Variants in MAGI2 observed in about 807,000 individuals in gnomAD.
MAGI2 encodes the protein membrane-associated guanylate kinase, WW and PDZ domain-containing protein 2.
In MAGI2, 35 loss-of-function variants were observed where a neutral mutation model predicts 133.3. That is an observed-to-expected ratio of 0.26 (90% CI 0.20 to 0.35). MAGI2 has a LOEUF of 0.35. Ranked by LOEUF, MAGI2 falls within the 10% of genes least tolerant of loss-of-function variation. The pLI is 1.00. For missense variants in MAGI2, 1,636 were observed against 1,863.4 expected, an observed-to-expected ratio of 0.88 and a Z score of 2.25; for synonymous variants, 729 against 710.6, an observed-to-expected ratio of 1.03 and a Z score of -0.41.
intron 9 of MAGI2, among the ~76,000 whole-genome samples, chr7:78,315,981 A>C (rs1441008991): frequency 6.6e-6 from 1 of 152,254 alleles, no homozygotes; most frequent in Non-Finnish European, 1.5e-5. Context: ...TCATGATGGA[A>C]GATTTGCCAT....
At chr7:78,599,106 T>C (rs899965425) in intron 3 of MAGI2, among the ~76,000 whole-genome samples, 1 of 152,192 alleles carries the variant, frequency 6.6e-6, no homozygotes, top group Non-Finnish European at 1.5e-5. Context: ...TTCTAGAATG[T>C]GACCTTGTAT....
At chr7:79,036,676 G>A (rs114233377) in intron 1 of MAGI2, among the ~76,000 whole-genome samples, 1,869 of 151,518 alleles carry the variant, frequency 0.012, 37 homozygotes, top group African/African-American at 0.041. Context: ...TTTTTCCCCC[G>A]AGTATCCTCA....
At chr7:79,369,926 AGTAAATTTAGTAT>A (rs1842953540) in intron 1 of MAGI2, among the ~76,000 whole-genome samples, 1 of 152,116 alleles carries the variant, frequency 6.6e-6, no homozygotes, top group South Asian at 2.1e-4. Flanking sequence ...CAAATTCTAT[AGTAAATTTAGTAT>A]GTCATACCTA....
intron 6 of MAGI2, among the ~76,000 whole-genome samples, chr7:78,453,607 C>T (rs1330192079): frequency 6.6e-6 from 1 of 152,136 alleles, no homozygotes; most frequent in Non-Finnish European, 1.5e-5. Context: ...ACATGCTTCC[C>T]AGCCATACCT....
chr7:79,253,370 C>G (rs760984373), intron 1 of MAGI2, among the ~76,000 whole-genome samples: 1 of 152,086 alleles, frequency 6.6e-6, no homozygotes, highest in Non-Finnish European at 1.5e-5. Flanking sequence ...TGGCCAGGCA[C>G]GGTGGCTCAT....
intron 2 of MAGI2, among the ~76,000 whole-genome samples, chr7:78,934,216 C>T (rs1800347989): frequency 6.6e-6 from 1 of 152,128 alleles, no homozygotes; most frequent in African/African-American, 2.4e-5. Flanking sequence ...ATTCTCCTGC[C>T]TCAGCCTCCT....
chr7:78,279,096 G>A (rs1406142136), intron 9 of MAGI2, among the ~76,000 whole-genome samples: 1 of 152,086 alleles, frequency 6.6e-6, no homozygotes, highest in Non-Finnish European at 1.5e-5. Context: ...CACACTACCT[G>A]GTTTTACTAG....
chr7:78,568,508 G>A (rs1336708503), intron 3 of MAGI2: 1 of 152,092 alleles, frequency 6.6e-6, no homozygotes, highest in Non-Finnish European at 1.5e-5. Flanking sequence ...CCCAAATCTT[G>A]GAGTCATCTT....
chr7:79,375,275 A>G (rs181790350), intron 1 of MAGI2, among the ~76,000 whole-genome samples: 19 of 152,080 alleles, frequency 1.2e-4, no homozygotes, highest in African/African-American at 4.3e-4. Flanking sequence ...AGATTTTGGC[A>G]TTAGGTCTCT....
At chr7:78,787,266 A>G (rs562459076) in intron 2 of MAGI2, among the ~76,000 whole-genome samples, 2 of 152,310 alleles carry the variant, frequency 1.3e-5, no homozygotes, top group East Asian at 1.9e-4. Flanking sequence ...TCTAACTACA[A>G]GATGGAAAGG....
intron 1 of MAGI2, among the ~76,000 whole-genome samples, chr7:79,333,171 T>C (rs1311203369): frequency 6.6e-6 from 1 of 152,148 alleles, no homozygotes; most frequent in East Asian, 1.9e-4. Flanking sequence ...TAGCCCAGGC[T>C]GGAATGCAGT....
chr7:78,120,727 C>T (rs932158650), intron 20 of MAGI2, among the ~76,000 whole-genome samples: 13 of 151,798 alleles, frequency 8.6e-5, no homozygotes, highest in South Asian at 2.1e-4. Flanking sequence ...GTGGACCGGG[C>T]GCGGTGGCTC....
intron 1 of MAGI2, among the ~76,000 whole-genome samples, chr7:79,222,877 T>G (rs182054433): frequency 1.6e-4 from 24 of 152,142 alleles, no homozygotes; most frequent in African/African-American, 5.1e-4. Context: ...CTTTTTGTTT[T>G]TTTGTTTGTT....
At chr7:79,343,242 T>C (rs901056387) in intron 1 of MAGI2, 2 of 152,140 alleles carry the variant, frequency 1.3e-5, no homozygotes. Context: ...TTGTGTCACT[T>C]TGTAATTTTG....
intron 9 of MAGI2, among the ~76,000 whole-genome samples, chr7:78,299,812 CT>C (rs1235382933): frequency 6.6e-6 from 1 of 152,068 alleles, no homozygotes. Context: ...TCGTCTTATT[CT>C]TTTTGTTTTC....
intron 1 of MAGI2, among the ~76,000 whole-genome samples, chr7:79,156,996 C>T (rs559364632): frequency 6.5e-4 from 99 of 152,114 alleles, no homozygotes; most frequent in African/African-American, 1.7e-3. Context: ...GAACTCCCTT[C>T]GGTTGACAGT....
In MAGI2 at chr7:79,318,815, A is replaced by C. The variant is rs143311606; in HGVS notation, c.301+134205T>G. On this transcript the variant is annotated intron_variant, in intron 1 of 21. Transcript: ENST00000354212. ...TCTTTTTCCAGTAAGTTTTCCTTCC[A>C]TCTTTAATTCTACTTACCATCAGTT... 9.2e-5 allele frequency among the ~76,000 whole-genome samples: 14 copies of C among 152,286 alleles called. No homozygotes were observed. In the East Asian group the frequency reaches 2.7e-3, roughly 29 times the overall value.
At chr7:79,011,989 T>A (rs564713993) in intron 1 of MAGI2, 6 of 151,604 alleles carry the variant, frequency 4.0e-5, no homozygotes, top group Admixed American at 3.3e-4. Context: ...CTTTTTCTTG[T>A]TTTTTATTGA....
intron 6 of MAGI2, among the ~76,000 whole-genome samples, chr7:78,390,667 A>G (rs1583850521): frequency 6.6e-6 from 1 of 152,020 alleles, no homozygotes; most frequent in East Asian, 1.9e-4. Context: ...AAGCTACTCT[A>G]TATTAAGAAA....
Sources: allele counts gnomAD v4.1 joint callset (sites outside exome capture counted in the v4.1 genomes callset), GRCh38; gene constraint gnomAD v4.1.1; transcripts MANE v1.5; gene names NCBI Gene and HGNC (gene_info 2026-07-23, HGNC 2026-07-21).